The following TASP1 variants were observed in gnomAD, a reference collection of about 807,000 sequenced individuals.
TASP1 encodes taspase 1.
A neutral mutation model predicts 56.6 loss-of-function variants in TASP1; 16 were observed. The ratio of observed to expected loss-of-function variants is 0.28; its 90% CI spans 0.19 to 0.43. The LOEUF is 0.43. Ranked by LOEUF, TASP1 falls within the 20% of genes least tolerant of loss-of-function variation. The probability of loss-of-function intolerance (pLI) is 1.00; values close to 1 mark genes in which losing one functional copy is unlikely to be tolerated. For synonymous variants in TASP1, 179 were observed against 184.2 expected (o/e 0.97, Z 0.23); for missense variants, 393 against 511.6 (o/e 0.77, Z 2.24).
At chr20:13,118,448 G>GAAAAAA in the TASP1 span, among the ~76,000 whole-genome samples, 116 of 108,684 alleles carry the variant, frequency 1.1e-3, 1 homozygote, top group Non-Finnish European at 1.3e-3. Context: ...AGAGGTTTGT[G>GAAAAAA]GAAAAAAAAA....
At chr20:13,322,561 T>A in the TASP1 span, among the ~76,000 whole-genome samples, 2 of 152,180 alleles carry the variant, frequency 1.3e-5, no homozygotes, top group African/African-American at 4.8e-5. Context: ...CTTAAGAAGA[T>A]TTCAAAGAGG....
chr20:13,285,927 A>C, the TASP1 span, among the ~76,000 whole-genome samples: 28 of 152,286 alleles, frequency 1.8e-4, no homozygotes, highest in African/African-American at 6.5e-4. Flanking sequence ...GCCAGGCTGC[A>C]TGAGATTTCT....
At chr20:13,238,594 A>T in the TASP1 span, among the ~76,000 whole-genome samples, 1 of 152,226 alleles carries the variant, frequency 6.6e-6, no homozygotes, top group African/African-American at 2.4e-5. Context: ...ACTAGAAAAC[A>T]ACAAAGTTGT....
chr20:13,267,969 T>C, the TASP1 span, among the ~76,000 whole-genome samples: 10,070 of 152,240 alleles, frequency 0.066, 421 homozygotes, highest in Non-Finnish European at 0.1. Flanking sequence ...AATCTAACTG[T>C]CCTCCCTAAT....
chr20:13,162,788 C>T, the TASP1 span, among the ~76,000 whole-genome samples: 1 of 152,116 alleles, frequency 6.6e-6, no homozygotes, highest in Non-Finnish European at 1.5e-5. Flanking sequence ...AGCATCCAAC[C>T]CAGAACTGGT....
chr20:13,502,558 T>G (rs1208556445), intron 10 of TASP1, among the ~76,000 whole-genome samples: 1 of 152,154 alleles, frequency 6.6e-6, no homozygotes, highest in Admixed American at 6.6e-5. Context: ...TGATTAAACA[T>G]TCTGCTTAAA....
At chr20:13,612,882 T>C (rs1600165575) in intron 4 of TASP1, among the ~76,000 whole-genome samples, 1 of 152,250 alleles carries the variant, frequency 6.6e-6, no homozygotes, top group East Asian at 1.9e-4. Flanking sequence ...GAAATTAAAA[T>C]TACTACATCC....
intron 13 of TASP1, among the ~76,000 whole-genome samples, chr20:13,407,181 T>A (rs1034596831): frequency 6.6e-6 from 1 of 152,230 alleles, no homozygotes; most frequent in African/African-American, 2.4e-5. Flanking sequence ...TGTGCAATGT[T>A]CTAATTCCAG....
the TASP1 span, among the ~76,000 whole-genome samples, chr20:13,156,063 A>AAC: frequency 1.9e-4 from 28 of 151,240 alleles, no homozygotes; most frequent in East Asian, 5.8e-4. Context: ...GACACATACA[A>AAC]ACACACACAC....
At chr20:13,471,939 G>A (rs995724216) in intron 11 of TASP1, among the ~76,000 whole-genome samples, 2 of 152,138 alleles carry the variant, frequency 1.3e-5, no homozygotes, top group African/African-American at 2.4e-5. Context: ...CATGACAGAT[G>A]CCATCTCCAT....
the TASP1 span, among the ~76,000 whole-genome samples, chr20:13,121,344 C>T: frequency 6.6e-6 from 1 of 152,190 alleles, no homozygotes; most frequent in Non-Finnish European, 1.5e-5. Context: ...CCAGCCAAAG[C>T]CAGGTCACTC....
intron 11 of TASP1, among the ~76,000 whole-genome samples, chr20:13,466,848 G>A (rs1356999388): frequency 6.6e-6 from 1 of 152,130 alleles, no homozygotes; most frequent in Non-Finnish European, 1.5e-5. Context: ...ATGAGGAACA[G>A]CAGTGGCAGC....
chr20:13,510,251 T>C (rs553443214), intron 10 of TASP1, among the ~76,000 whole-genome samples: 18 of 152,300 alleles, frequency 1.2e-4, no homozygotes, highest in Non-Finnish European at 2.5e-4. Context: ...CAACACTTAT[T>C]GAACAGAAAG....
chr20:13,345,669 T>C, the TASP1 span, among the ~76,000 whole-genome samples: 1 of 152,172 alleles, frequency 6.6e-6, no homozygotes, highest in Non-Finnish European at 1.5e-5. Flanking sequence ...GCCATCAGTG[T>C]CTCTGGAGAA....
intron 11 of TASP1, among the ~76,000 whole-genome samples, chr20:13,478,802 A>G (rs1197531118): frequency 1.3e-5 from 2 of 152,162 alleles, no homozygotes; most frequent in African/African-American, 4.8e-5. Flanking sequence ...CTTACATGCT[A>G]AAAAAGAGAG....
chr20:13,494,465 T>A (rs748110019), intron 10 of TASP1, among the ~76,000 whole-genome samples: 1 of 152,190 alleles, frequency 6.6e-6, no homozygotes, highest in Non-Finnish European at 1.5e-5. Context: ...AATTCAATTA[T>A]AGAAAACTTA....
chr20:13,567,099 A>C lies in TASP1; in HGVS notation c.568+2408T>G, dbSNP rs573836954. Among the ~76,000 whole-genome samples, 12 of 152,310 alleles carry C rather than the reference A, an allele frequency of 7.9e-5. 1 individual carries two copies. In the South Asian group the frequency reaches 1.7e-3, roughly 21 times the overall value. On this transcript the variant is annotated intron_variant, in intron 7 of 13. Coordinates refer to ENST00000337743, the MANE Select transcript of TASP1 (RefSeq NM_017714.3). The stretch of plus-strand genomic sequence containing the variant: ...CACCATGGAATACTATGCAGCCATA[A>C]AAAAGAGTAAGATCATGTCTTTAGC...
intron 11 of TASP1, among the ~76,000 whole-genome samples, chr20:13,436,342 G>T (rs1312610755): frequency 6.9e-6 from 1 of 145,958 alleles, no homozygotes; most frequent in Non-Finnish European, 1.5e-5. Flanking sequence ...TTTTTAAAGG[G>T]TTGTTTTAAA....
At chr20:13,153,077 C>A in the TASP1 span, among the ~76,000 whole-genome samples, 1 of 152,222 alleles carries the variant, frequency 6.6e-6, no homozygotes, top group African/African-American at 2.4e-5. Context: ...AGCAATCCTG[C>A]ATCAAATGCA....
Sources: gnomAD v4.1 joint callset for allele counts (sites outside exome capture counted in the v4.1 genomes callset) on GRCh38, gnomAD v4.1.1 for gene constraint, MANE v1.5 for transcripts, NCBI Gene and HGNC (gene_info 2026-07-23, HGNC 2026-07-21) for gene names.